Variants in COG4 observed in about 807,000 individuals in gnomAD.
COG4 encodes component of oligomeric golgi complex 4.
COG4 carries 65 observed loss-of-function variants against 95.1 expected under a neutral mutation model. The observed-to-expected ratio is 0.68, with a 90% CI of 0.56 to 0.84. COG4 has a LOEUF of 0.84. Ranked by LOEUF, COG4 falls within the 40% of genes least tolerant of loss-of-function variation. COG4 has a pLI of 0.00. For synonymous variants in COG4, 421 were observed against 374.8 expected, an observed-to-expected ratio of 1.12 and a Z score of -1.42; for missense variants, 1,045 against 989.1, an observed-to-expected ratio of 1.06 and a Z score of -0.76.
At chr16:70,497,799 C>G in intron 10 of COG4, 138 bp downstream of exon 10, 1 of 768,572 alleles carries the variant, frequency 1.3e-6, no homozygotes, top group Non-Finnish European at 2.4e-6. Flanking sequence ...TCTAAACATA[C>G]AAAGTGGTAC....
At chr16:70,509,136 C>CT (rs1241923338) in intron 7 of COG4, 95 bp downstream of exon 7, 94 of 1,500,594 alleles carry the variant, frequency 6.3e-5, no homozygotes, top group African/African-American at 1.1e-4. Flanking sequence ...CTGTCTGCAC[C>CT]TTTTTTTTCA....
chr16:70,511,886 C>A (rs1323606328), intron 5 of COG4, among the ~76,000 whole-genome samples: 2 of 151,632 alleles, frequency 1.3e-5, no homozygotes, highest in Non-Finnish European at 2.9e-5. Flanking sequence ...GAGCTGACAT[C>A]ATGCCATTGT....
rs118183032 is a variant in COG4 at position 70,512,385 on chromosome 16, G to A, written c.592C>T (p.Arg198Cys). The stretch of plus-strand genomic sequence containing the variant: ...TTCTCTGCCACAATGGCTTTGAGAC[G>A]TTGCTCAGCTTCCTGCAGCAATTTC... Reference protein sequence around the residue: ...NLKLLQEAEQRLKAIVAEKFA... With the variant: ...NLKLLQEAEQCLKAIVAEKFA... The change falls in exon 5 of 19, where the codon CGT becomes TGT. Residue 198 changes from arginine (R) to cysteine (C), a missense_variant. Transcript: ENST00000323786. The A allele has an allele frequency of 1.7e-3, 2,697 of 1,614,136 alleles. 7 individuals are homozygous for A. Among genetic ancestry groups the A allele is most frequent in the Middle Eastern group, 5.0e-3 (30 of 6,058 alleles).
intron 8 of COG4, among the ~76,000 whole-genome samples, chr16:70,504,636 G>A (rs2049522895): frequency 1.5e-5 from 2 of 132,190 alleles, no homozygotes; most frequent in East Asian, 1.9e-4. Flanking sequence ...AAAGAGGCCG[G>A]GCATGGTGGC....
chr16:70,501,205 C>T, intron 8 of COG4, 114 bp from the exon 9 acceptor site: 2 of 1,217,098 alleles, frequency 1.6e-6, no homozygotes, highest in East Asian at 2.4e-5. Context: ...TAAGGAAAAG[C>T]TCTGCCAGAT....
chr16:70,517,381 A>G lies in COG4; in HGVS notation c.369+245T>C, dbSNP rs8049929. ...GGTGGAAGGATAACTTGAGCCCAGG[A>G]GTTCAGGACCAGCCCGGGGAACATG... is the stretch of plus-strand genomic sequence containing the variant. On this transcript the variant is annotated intron_variant, in intron 3 of 18. Transcript: ENST00000323786. Among the ~76,000 whole-genome samples the G allele has an allele frequency of 0.12, 18,174 of 151,530 alleles. 3,613 individuals carry two copies. The highest frequency in any genetic ancestry group is 0.41 in the African/African-American group (17,004 of 41,220).
At chr16:70,519,429 G>T (rs1286419270) in intron 2 of COG4, among the ~76,000 whole-genome samples, 1 of 152,006 alleles carries the variant, frequency 6.6e-6, no homozygotes, top group Non-Finnish European at 1.5e-5. Context: ...GCCCGGCCAG[G>T]ATTTGCATTT....
chr16:70,481,329 C>A, intron 18 of COG4, 30 bp downstream of exon 18: 1 of 1,610,912 alleles, frequency 6.2e-7, no homozygotes. Context: ...AGTCACCCCT[C>A]CCTGGCTGGG....
intron 13 of COG4, among the ~76,000 whole-genome samples, chr16:70,488,365 G>A (rs551449258): frequency 2.2e-4 from 34 of 151,726 alleles, no homozygotes; most frequent in African/African-American, 6.8e-4. Flanking sequence ...CTGATCTTGT[G>A]ATCCACCTGC....
intron 3 of COG4, among the ~76,000 whole-genome samples, chr16:70,516,787 G>T (rs758565098): frequency 5.3e-5 from 8 of 150,510 alleles, no homozygotes; most frequent in Non-Finnish European, 1.2e-4. Context: ...TTTTTAATTT[G>T]CAACTCCACT....
In COG4 at chr16:70,483,933, C is replaced by G. The variant is rs745322882; in HGVS notation, c.1747G>C (p.Gly583Arg). 2 of 1,613,210 alleles carry G rather than the reference C, an allele frequency of 1.2e-6. No homozygotes were observed. Among genetic ancestry groups the G allele is most frequent in the South Asian group, 2.2e-5 (2 of 91,084 alleles). The change falls in exon 14 of 19, where the codon GGG becomes CGG. Residue 583 changes from glycine (G) to arginine (R), a missense_variant. By Grantham distance (125) the Gly-to-Arg change is moderately radical. Coordinates refer to ENST00000323786, the MANE Select transcript of COG4 (RefSeq NM_015386.3). ...TCAAACTTGGCCTGGGCCTGCTCCC[C>G]TCCAATGCCCTGGCTGAAGAGCTTG... ...CTKLFSQGIG[G>R]EQAQAKFDSC... is the part of the protein sequence containing the mutation.
At chr16:70,518,838 G>A (rs1245749507) in intron 2 of COG4, among the ~76,000 whole-genome samples, 6 of 151,976 alleles carry the variant, frequency 3.9e-5, no homozygotes, top group Non-Finnish European at 7.4e-5. Context: ...TTAGCTGGGC[G>A]TGGTGGCACA....
At chr16:70,505,549 C>T (rs2049546454) in intron 8 of COG4, among the ~76,000 whole-genome samples, 1 of 149,268 alleles carries the variant, frequency 6.7e-6, no homozygotes, top group Non-Finnish European at 1.5e-5. Context: ...AAAAAGTAGG[C>T]TGGGTGCGGT....
intron 4 of COG4, among the ~76,000 whole-genome samples, chr16:70,513,851 G>A (rs915842855): frequency 3.9e-5 from 6 of 152,180 alleles, no homozygotes; most frequent in African/African-American, 1.4e-4. Context: ...ACATAGGGGA[G>A]ACTGCTTTAA....
intron 5 of COG4, among the ~76,000 whole-genome samples, chr16:70,511,708 G>T (rs148888847): frequency 6.6e-6 from 1 of 152,126 alleles, no homozygotes; most frequent in East Asian, 1.9e-4. Flanking sequence ...CGAGGTGGGC[G>T]GATCACCTGA....
At chr16:70,515,876 A>G (rs77705430) in intron 3 of COG4, 9,339 of 394,026 alleles carry the variant, frequency 0.024, 642 homozygotes, top group East Asian at 0.2. Context: ...ACTGTGTTCC[A>G]AGGTTTGGTC....
intron 12 of COG4, among the ~76,000 whole-genome samples, chr16:70,492,211 C>A (rs2049258433): frequency 6.6e-6 from 1 of 152,102 alleles, no homozygotes; most frequent in Non-Finnish European, 1.5e-5. Flanking sequence ...CATAATTTGC[C>A]CTATTCATCT....
At chr16:70,507,899 G>C (rs147591353) in intron 8 of COG4, among the ~76,000 whole-genome samples, 1 of 151,318 alleles carries the variant, frequency 6.6e-6, no homozygotes, top group African/African-American at 2.4e-5. Context: ...TAAATGACAC[G>C]TGATTGTACT....
In COG4 at chr16:70,509,939, T is replaced by C. The variant is rs1567390552; in HGVS notation, c.821A>G (p.Asp274Gly). Residue 274 changes from aspartate to glycine, a missense_variant, in exon 6 of 19, where the codon GAT becomes GGT. Asp to Gly is a moderately conservative substitution (Grantham distance 94). Coordinates refer to ENST00000323786, the MANE Select transcript of COG4 (RefSeq NM_015386.3). ...SDRRAAVIFA[D>G]TLTLLFEGIA... ...ACCTTCAAACAGAAGAGTAAGTGTA[T>C]CTGCAAAGATGACTGCAGCTCTCCG... 1.9e-6 allele frequency: 3 copies of C among 1,613,774 alleles called. No individual in the cohort carries two copies. The highest frequency in any genetic ancestry group is 1.1e-5 in the South Asian group (1 of 91,066).
Sources: allele counts gnomAD v4.1 joint callset (sites outside exome capture counted in the v4.1 genomes callset), GRCh38; gene constraint gnomAD v4.1.1; transcripts MANE v1.5; gene names NCBI Gene and HGNC (gene_info 2026-07-23, HGNC 2026-07-21).